SLC5A4: variants seen among roughly 807,000 people sequenced by gnomAD.
The protein encoded by SLC5A4 is solute carrier family 5 member 4, also known as probable glucose sensor protein SLC5A4.
SLC5A4 carries 55 observed loss-of-function variants against 70.3 expected under a neutral mutation model. The ratio of observed to expected loss-of-function variants is 0.78; its 90% confidence interval spans 0.63 to 0.98. The LOEUF (loss-of-function observed/expected upper bound fraction) is 0.98. Ranked by LOEUF, SLC5A4 falls within the 50% of genes least tolerant of loss-of-function variation. SLC5A4 has a pLI of 0.00. For synonymous variants in SLC5A4, 268 were observed against 305.7 expected (o/e 0.88, Z 1.29); for missense variants, 735 against 839.2 (o/e 0.88, Z 1.53).
At chr22:32,228,561 G>A (rs1318400292) in intron 11 of SLC5A4, among the ~76,000 whole-genome samples, 1 of 150,984 alleles carries the variant, frequency 6.6e-6, no homozygotes, top group Non-Finnish European at 1.5e-5. Flanking sequence ...AAAATGCTAT[G>A]ACAATATAGG....
the SLC5A4 span, among the ~76,000 whole-genome samples, chr22:32,281,632 G>A: frequency 6.6e-6 from 1 of 152,020 alleles, no homozygotes; most frequent in African/African-American, 2.4e-5. Flanking sequence ...GGGACTACAG[G>A]CATGTAACAC....
At chr22:32,308,787 CTTGT>C in the SLC5A4 span, among the ~76,000 whole-genome samples, 2 of 152,106 alleles carry the variant, frequency 1.3e-5, no homozygotes, top group Non-Finnish European at 2.9e-5. Context: ...AGGGCATGTG[CTTGT>C]GTGTCCATGC....
At chr22:32,254,269 C>T in intron 1 of SLC5A4, 56 bp from the exon 2 acceptor site, 1 of 1,316,918 alleles carries the variant, frequency 7.6e-7, no homozygotes, top group Non-Finnish European at 1.1e-6. Context: ...ACCCAGACAC[C>T]CCAGAGGCTC....
chr22:32,268,205 C>T, the SLC5A4 span: 1 of 152,188 alleles, frequency 6.6e-6, no homozygotes, highest in Non-Finnish European at 1.5e-5. Flanking sequence ...CCTGATATCT[C>T]TATGTATATA....
the SLC5A4 span, among the ~76,000 whole-genome samples, chr22:32,302,485 C>T: frequency 1.3e-5 from 2 of 152,072 alleles, no homozygotes; most frequent in Non-Finnish European, 2.9e-5. Flanking sequence ...ATTATTTTTA[C>T]TTAGTATGTA....
the SLC5A4 span, among the ~76,000 whole-genome samples, chr22:32,299,360 AT>A: frequency 6.9e-6 from 1 of 144,826 alleles, no homozygotes; most frequent in Non-Finnish European, 1.5e-5. Flanking sequence ...ATTTCTTTTT[AT>A]TCTTTTTTCT....
chr22:32,336,822 A>G, the SLC5A4 span, among the ~76,000 whole-genome samples: 1 of 152,272 alleles, frequency 6.6e-6, no homozygotes, highest in African/African-American at 2.4e-5. Flanking sequence ...ATCACTGGAC[A>G]GAGTTCCTTA....
the SLC5A4 span, among the ~76,000 whole-genome samples, chr22:32,323,293 G>T: frequency 2.0e-5 from 3 of 152,158 alleles, no homozygotes; most frequent in East Asian, 5.8e-4. Flanking sequence ...CCCTTTTAAA[G>T]ACTCCACTTT....
the SLC5A4 span, among the ~76,000 whole-genome samples, chr22:32,274,118 C>A: frequency 2.0e-4 from 30 of 151,254 alleles, no homozygotes; most frequent in South Asian, 5.4e-3. Context: ...CGGCTCGCTG[C>A]AAGCTCCACC....
chr22:32,229,433 T>A (rs1274600236), intron 10 of SLC5A4, 89 bp from the exon 11 acceptor site: 1 of 1,378,072 alleles, frequency 7.3e-7, no homozygotes, highest in Middle Eastern at 2.1e-4. Flanking sequence ...AAGTATCATC[T>A]GGAACATAGG....
the SLC5A4 span, among the ~76,000 whole-genome samples, chr22:32,316,347 G>C: frequency 6.6e-6 from 1 of 152,154 alleles, no homozygotes; most frequent in East Asian, 1.9e-4. Context: ...AGACAAAGCT[G>C]AAGTCAGGGC....
At chr22:32,265,969 T>A in the SLC5A4 span, among the ~76,000 whole-genome samples, 1 of 152,218 alleles carries the variant, frequency 6.6e-6, no homozygotes, top group Non-Finnish European at 1.5e-5. Context: ...GTTACAAGTG[T>A]TTATAAATTG....
At chr22:32,326,270 A>AT in the SLC5A4 span, among the ~76,000 whole-genome samples, 22,665 of 135,276 alleles carry the variant, frequency 0.17, 2,007 homozygotes, top group East Asian at 0.31. Context: ...GCCTTCACGT[A>AT]TTTTTTTTTT....
the SLC5A4 span, among the ~76,000 whole-genome samples, chr22:32,277,628 AC>A: frequency 6.6e-6 from 1 of 151,774 alleles, no homozygotes; most frequent in Admixed American, 6.6e-5. Flanking sequence ...GCTCACTACA[AC>A]CTCCGCTTCC....
chr22:32,254,720 C>T (rs1402978092), intron 1 of SLC5A4, among the ~76,000 whole-genome samples: 5 of 151,872 alleles, frequency 3.3e-5, no homozygotes, highest in East Asian at 1.9e-4. Context: ...AGGAGAATGG[C>T]GTGAACCCAG....
chr22:32,334,466 T>TC, the SLC5A4 span, among the ~76,000 whole-genome samples: 6 of 152,004 alleles, frequency 3.9e-5, no homozygotes, highest in Non-Finnish European at 5.9e-5. Flanking sequence ...CTGCCTTGTG[T>TC]CCCCCCACTG....
At chr22:32,307,218 C>T in the SLC5A4 span, among the ~76,000 whole-genome samples, 1 of 152,300 alleles carries the variant, frequency 6.6e-6, no homozygotes, top group South Asian at 2.1e-4. Context: ...AAGGGCAAAT[C>T]TGTCAGGGCT....
At chr22:32,335,828 C>T in the SLC5A4 span, among the ~76,000 whole-genome samples, 1 of 152,164 alleles carries the variant, frequency 6.6e-6, no homozygotes, top group Non-Finnish European at 1.5e-5. Flanking sequence ...CCTCTGGGAC[C>T]CCTTAGAAGC....
the SLC5A4 span, among the ~76,000 whole-genome samples, chr22:32,337,171 C>A: frequency 6.6e-6 from 1 of 152,224 alleles, no homozygotes; most frequent in Admixed American, 6.5e-5. Flanking sequence ...CCCAGGACCA[C>A]CTTGCCTCTT....
Sources: gnomAD v4.1 joint callset for allele counts (sites outside exome capture counted in the v4.1 genomes callset) on GRCh38, gnomAD v4.1.1 for gene constraint, MANE v1.5 for transcripts, NCBI Gene and HGNC (gene_info 2026-07-23, HGNC 2026-07-21) for gene names.